SWAP70: variants seen among roughly 807,000 people sequenced by gnomAD.
SWAP70 encodes switching B cell complex subunit SWAP70, also known as switch-associated protein 70.
Under a neutral mutation model 80.2 loss-of-function variants are expected in SWAP70, and 34 were observed. That is an observed-to-expected ratio of 0.42 (90% CI 0.32 to 0.56). The LOEUF (loss-of-function observed/expected upper bound fraction) is 0.56. SWAP70 is among the 20% of genes least tolerant of loss of function. SWAP70 has a pLI of 0.09. For missense variants in SWAP70, 578 were observed against 690.7 expected (o/e 0.84, Z 1.83); for synonymous variants, 239 against 238.5 (o/e 1.00, Z -0.02).
intron 2 of SWAP70, among the ~76,000 whole-genome samples, chr11:9,708,388 A>G (rs1850951404): frequency 6.6e-6 from 1 of 152,168 alleles, no homozygotes; most frequent in Non-Finnish European, 1.5e-5. Context: ...CATTTCCCCA[A>G]TCATAAGTGA....
At chr11:9,703,908 G>A (rs1222554537) in intron 2 of SWAP70, among the ~76,000 whole-genome samples, 1 of 152,108 alleles carries the variant, frequency 6.6e-6, no homozygotes, top group East Asian at 1.9e-4. Flanking sequence ...AGAGTTTGAG[G>A]TTAGAAATGT....
At chr11:9,703,300 A>G (rs1368036581) in intron 2 of SWAP70, 1 of 453,946 alleles carries the variant, frequency 2.2e-6, no homozygotes, top group East Asian at 7.0e-5. Flanking sequence ...CGTTACGGAT[A>G]TACCATGTTT....
At chr11:9,672,195 C>CTATGTATATGTATA (rs530619499) in intron 1 of SWAP70, among the ~76,000 whole-genome samples, 3 of 78,438 alleles carry the variant, frequency 3.8e-5, no homozygotes, top group African/African-American at 1.5e-4. Flanking sequence ...ATGTGTGTGT[C>CTATGTATATGTATA]TATATATATA....
At chr11:9,671,904 A>C (rs1342504536) in intron 1 of SWAP70, among the ~76,000 whole-genome samples, 2 of 109,316 alleles carry the variant, frequency 1.8e-5, no homozygotes, top group Non-Finnish European at 3.3e-5. Flanking sequence ...TTTAATTATT[A>C]AATATAATAA....
In SWAP70 at chr11:9,749,985, AGTCAC is replaced by A. The variant is rs764709394; in HGVS notation, c.*20_*24del. ...CCACGGAGTGACTGAGCTTGCTGGC[AGTCAC>A]GTCAGTTATGTAGATACTGCATGGC... On this transcript the variant is annotated 3_prime_UTR_variant, in exon 12 of 12. Transcript: ENST00000318950. The A allele has an allele frequency of 1.9e-6, 3 of 1,544,014 alleles. No individual in the cohort carries two copies. The highest frequency in any genetic ancestry group is 3.3e-5 in the Admixed American group (2 of 59,872).
intron 2 of SWAP70, among the ~76,000 whole-genome samples, chr11:9,699,171 A>G (rs113819369): frequency 4.6e-5 from 7 of 152,134 alleles, no homozygotes; most frequent in Admixed American, 4.6e-4. Context: ...GGAGGTAGGA[A>G]TGGTGAGTGA....
chr11:9,750,820 T>A lies in SWAP70; in HGVS notation c.*850T>A, dbSNP rs1851579012. The A allele has an allele frequency of 6.6e-6, 1 of 152,268 alleles. No homozygotes were observed. The highest frequency in any genetic ancestry group is 2.4e-5 in the African/African-American group (1 of 41,462). The allele number at this position is 152,268 out of a possible 1,614,324, so 9.4% of individuals were successfully genotyped here. A position where few individuals can be genotyped will look rare whatever the true frequency, so the allele number is the denominator to read the frequency against. On this transcript the variant is annotated 3_prime_UTR_variant, in exon 12 of 12. Coordinates refer to ENST00000318950, the MANE Select transcript of SWAP70 (RefSeq NM_015055.4). ...GAGAAGTCATGGAGTCATTGCCATT[T>A]CCTGGTTGCCCTTTTGGAATGTGAT...
intron 9 of SWAP70, chr11:9,740,880 A>G: frequency 6.3e-6 from 1 of 157,636 alleles, no homozygotes; most frequent in Non-Finnish European, 1.4e-5. Flanking sequence ...TCCCCTTAGA[A>G]CTTTATGATA....
At chr11:9,743,985 C>T (rs1242364056) in intron 9 of SWAP70, among the ~76,000 whole-genome samples, 6 of 138,558 alleles carry the variant, frequency 4.3e-5, no homozygotes, top group East Asian at 2.1e-4. Context: ...TTTTTTGAGA[C>T]GGAGTCTCGC....
At chr11:9,723,982 C>G (rs1488844594) in intron 3 of SWAP70, among the ~76,000 whole-genome samples, 1 of 152,132 alleles carries the variant, frequency 6.6e-6, no homozygotes, top group Non-Finnish European at 1.5e-5. Context: ...CCATGTTGGC[C>G]AGGCTGGTCT....
At chr11:9,678,342 G>A (rs926407316) in intron 1 of SWAP70, among the ~76,000 whole-genome samples, 35 of 152,186 alleles carry the variant, frequency 2.3e-4, no homozygotes, top group African/African-American at 7.9e-4. Context: ...AAATAAAATA[G>A]TAAGGGCAGC....
chr11:9,707,747 G>A (rs536284548), intron 2 of SWAP70, among the ~76,000 whole-genome samples: 14 of 151,668 alleles, frequency 9.2e-5, no homozygotes, highest in East Asian at 1.9e-4. Context: ...GTAGAGACGC[G>A]GTATCACCAT....
chr11:9,719,663 T>C (rs138594195), intron 3 of SWAP70, among the ~76,000 whole-genome samples: 1 of 152,388 alleles, frequency 6.6e-6, no homozygotes, highest in Admixed American at 6.5e-5. Context: ...CACATAGTTG[T>C]AAGAAATAGT....
At chr11:9,717,626 T>C (rs192793890) in intron 3 of SWAP70, among the ~76,000 whole-genome samples, 1 of 150,090 alleles carries the variant, frequency 6.7e-6, no homozygotes, top group African/African-American at 2.5e-5. Context: ...TGCCACTGCA[T>C]TGTAGCCTGG....
chr11:9,699,692 A>T (rs1021885752), intron 2 of SWAP70, among the ~76,000 whole-genome samples: 1 of 151,898 alleles, frequency 6.6e-6, no homozygotes, highest in East Asian at 1.9e-4. Flanking sequence ...CTATCTCTAT[A>T]AAAAAACTTA....
chr11:9,742,587 G>A (rs898137637), intron 9 of SWAP70, among the ~76,000 whole-genome samples: 2 of 152,042 alleles, frequency 1.3e-5, no homozygotes, highest in African/African-American at 4.8e-5. Context: ...CGCCTGTCTC[G>A]GTCTCCCAAA....
At position 9,724,859 on chromosome 11, in the gene SWAP70, GA is replaced by G; in HGVS notation, c.618del (p.Glu206AspfsTer4). ...TATGGCAATTAATGAAGTCTTTAAT[GA>G]ACTTATATTAGATGTGTTAAAGCAG... is the stretch of plus-strand genomic sequence containing the variant. ...VSMAINEVFN[E>X]LILDVLKQGY... On this transcript the variant is annotated frameshift_variant, in exon 4 of 12. Coordinates refer to ENST00000318950, the MANE Select transcript of SWAP70 (RefSeq NM_015055.4). LOFTEE classifies it high-confidence loss of function. The G allele has an allele frequency of 6.2e-7, 1 of 1,610,040 alleles. No homozygotes were observed.
chr11:9,713,729 T>C (rs1029561135), intron 3 of SWAP70, 90 bp downstream of exon 3: 4 of 1,390,978 alleles, frequency 2.9e-6, no homozygotes, highest in Non-Finnish European at 3.9e-6. Context: ...AGCATAGATA[T>C]GGAAGGAGAT....
chr11:9,697,488 G>T (rs568025011), intron 2 of SWAP70, among the ~76,000 whole-genome samples: 1 of 152,050 alleles, frequency 6.6e-6, no homozygotes, highest in African/African-American at 2.4e-5. Flanking sequence ...TCACCATGTT[G>T]ACCAGATTGG....
Sources: gnomAD v4.1 joint callset for allele counts (sites outside exome capture counted in the v4.1 genomes callset) on GRCh38, gnomAD v4.1.1 for gene constraint, MANE v1.5 for transcripts, NCBI Gene and HGNC (gene_info 2026-07-23, HGNC 2026-07-21) for gene names.